The following AVEN variants were observed in gnomAD, a reference collection of about 807,000 sequenced individuals.
AVEN encodes apoptosis and caspase activation inhibitor.
A neutral mutation model predicts 38.1 loss-of-function variants in AVEN; 41 were observed. The observed-to-expected ratio is 1.08, with a 90% CI of 0.84 to 1.40. The LOEUF is 1.40. Among genes scored for constraint, AVEN ranks in the 40% most tolerant of loss-of-function variants. The pLI is 0.00. For synonymous variants in AVEN, 206 were observed against 171.8 expected (o/e 1.20, Z -1.56); for missense variants, 605 against 438.8 (o/e 1.38, Z -3.38).
In AVEN at chr15:33,991,614, A is replaced by C. The variant is rs2140570868; in HGVS notation, c.445+11418T>G. On this transcript the variant is annotated intron_variant, in intron 2 of 5. Coordinates refer to ENST00000306730, the MANE Select transcript of AVEN (RefSeq NM_020371.3). ...ATAATGTGACCTGTAGAAAGCACCC[A>C]CATATCCTTTTCTCAAATCATGGGG... 1.3e-5 allele frequency: 2 copies of C among 152,350 alleles called. 1 individual carries two copies. The highest frequency in any genetic ancestry group is 3.9e-4 in the East Asian group (2 of 5,188). 9.4% of individuals were successfully genotyped at this position (152,350 alleles called of 1,614,324 possible).
At chr15:34,056,960 G>A (rs1315079476) in intron 5 of AVEN, among the ~76,000 whole-genome samples, 1 of 152,102 alleles carries the variant, frequency 6.6e-6, no homozygotes, top group East Asian at 1.9e-4. Context: ...GATCCCTTGA[G>A]CCCAAGAGGT....
rs144301763 is a variant in AVEN, at chr15:33,945,742, C to T, written c.445+57290G>A. Reference sequence around the variant, plus strand: ...CTGGGACTACAGGTGCACACCACCACGCCTGGCTAATTTTTTTGTATTTTC... The same window carrying T: ...CTGGGACTACAGGTGCACACCACCATGCCTGGCTAATTTTTTTGTATTTTC... On this transcript the variant is annotated intron_variant, in intron 2 of 5. Coordinates refer to ENST00000306730, the MANE Select transcript of AVEN (RefSeq NM_020371.3). 4.5e-3 allele frequency among the ~76,000 whole-genome samples: 692 copies of T among 152,166 alleles called. 6 individuals carry two copies. Among genetic ancestry groups the T allele is most frequent in the African/African-American group, 0.016 (660 of 41,500 alleles).
At chr15:33,887,830 T>G (rs1891766304) in intron 2 of AVEN, among the ~76,000 whole-genome samples, 1 of 152,206 alleles carries the variant, frequency 6.6e-6, no homozygotes, top group Non-Finnish European at 1.5e-5. Flanking sequence ...TTATGTGTCT[T>G]ACTAATAACT....
intron 2 of AVEN, among the ~76,000 whole-genome samples, chr15:33,909,339 C>A (rs1052690533): frequency 1.5e-4 from 22 of 151,654 alleles, no homozygotes; most frequent in African/African-American, 3.9e-4. Flanking sequence ...AACAAACAAA[C>A]AAAAAAACCT....
At chr15:33,982,472 A>G (rs934281415) in intron 2 of AVEN, among the ~76,000 whole-genome samples, 1 of 152,236 alleles carries the variant, frequency 6.6e-6, no homozygotes, top group Non-Finnish European at 1.5e-5. Context: ...TATTTTCTGG[A>G]GCAAAGCAAT....
chr15:33,873,014 G>A (rs1018193524), intron 3 of AVEN, among the ~76,000 whole-genome samples: 1 of 150,846 alleles, frequency 6.6e-6, no homozygotes, highest in Non-Finnish European at 1.5e-5. Flanking sequence ...GGATTCCCTT[G>A]AGGATTTTGG....
intron 1 of AVEN, among the ~76,000 whole-genome samples, chr15:34,022,195 T>C (rs538274585): frequency 3.3e-5 from 5 of 152,330 alleles, no homozygotes; most frequent in Non-Finnish European, 5.9e-5. Flanking sequence ...ATGAATGGCA[T>C]CATGGCCCCA....
chr15:34,046,526 T>C (rs967465915), intron 5 of AVEN: 1 of 152,212 alleles, frequency 6.6e-6, no homozygotes, highest in East Asian at 1.9e-4. Context: ...TGAACGATCA[T>C]TCCCCTTTTC....
At chr15:33,867,348 A>G in intron 5 of AVEN, 147 bp downstream of exon 5, 5 of 1,171,154 alleles carry the variant, frequency 4.3e-6, no homozygotes, top group Non-Finnish European at 5.8e-6. Context: ...GGGGAAGCAG[A>G]GACGTGAGCA....
chr15:33,857,711 G>A (rs1213950962), downstream of AVEN: 2 of 1,578,206 alleles, frequency 1.3e-6, no homozygotes, highest in Non-Finnish European at 1.7e-6. Context: ...TTTTCTTAGA[G>A]TCTCCTGTGA....
chr15:33,885,405 G>A (rs1891662715), intron 2 of AVEN, among the ~76,000 whole-genome samples: 3 of 152,078 alleles, frequency 2.0e-5, no homozygotes, highest in Admixed American at 2.0e-4. Context: ...CCAATTTCTA[G>A]CTTCCATGAT....
chr15:33,948,568 A>C (rs977168020), intron 2 of AVEN, among the ~76,000 whole-genome samples: 3 of 152,230 alleles, frequency 2.0e-5, no homozygotes, highest in Admixed American at 6.5e-5. Context: ...TAAAAATGTA[A>C]GACAAAGAAG....
intron 2 of AVEN, among the ~76,000 whole-genome samples, chr15:33,909,275 G>C (rs1475468489): frequency 6.6e-6 from 1 of 152,142 alleles, no homozygotes; most frequent in Non-Finnish European, 1.5e-5. Context: ...CCCAAGTGTG[G>C]CACAGGCTGG....
At chr15:33,868,318 T>C (rs894464273) in intron 4 of AVEN, among the ~76,000 whole-genome samples, 1 of 151,810 alleles carries the variant, frequency 6.6e-6, no homozygotes, top group African/African-American at 2.4e-5. Flanking sequence ...GGTCAGGAGA[T>C]TGAGACCATC....
chr15:33,893,708 A>G (rs1303858986), intron 2 of AVEN, among the ~76,000 whole-genome samples: 1 of 152,192 alleles, frequency 6.6e-6, no homozygotes, highest in African/African-American at 2.4e-5. Context: ...CTCTACCTGA[A>G]GCATCTTAAA....
intron 2 of AVEN, among the ~76,000 whole-genome samples, chr15:33,968,217 T>C (rs1895472962): frequency 6.6e-6 from 1 of 150,460 alleles, no homozygotes; most frequent in Non-Finnish European, 1.5e-5. Flanking sequence ...AAGCCCTCTT[T>C]TTCCTCCCAA....
At chr15:34,052,373 G>C (rs1899954883) in intron 5 of AVEN, among the ~76,000 whole-genome samples, 1 of 152,104 alleles carries the variant, frequency 6.6e-6, no homozygotes, top group Non-Finnish European at 1.5e-5. Context: ...ACCTGTGACA[G>C]ACTCACAGCC....
At chr15:33,975,876 G>A (rs956619177) in intron 2 of AVEN, among the ~76,000 whole-genome samples, 5 of 152,180 alleles carry the variant, frequency 3.3e-5, no homozygotes, top group African/African-American at 1.2e-4. Flanking sequence ...GTTACAGTGA[G>A]CCTAGATTGT....
At chr15:33,933,524 C>CACACACACACACACACACAG (rs1893945145) in intron 2 of AVEN, among the ~76,000 whole-genome samples, 20 of 46,646 alleles carry the variant, frequency 4.3e-4, no homozygotes, top group East Asian at 1.4e-3. Flanking sequence ...CACACACACA[C>CACACACACACACACACACAG]AGAGAGAGAG....
Sources: gnomAD v4.1 joint callset for allele counts (sites outside exome capture counted in the v4.1 genomes callset) on GRCh38, gnomAD v4.1.1 for gene constraint, MANE v1.5 for transcripts, NCBI Gene and HGNC (gene_info 2026-07-23, HGNC 2026-07-21) for gene names.